Variants in GRIN2A observed in about 807,000 individuals in gnomAD.
GRIN2A encodes glutamate receptor ionotropic, NMDA 2A.
In GRIN2A, 22 loss-of-function variants were observed where a neutral mutation model predicts 113.4. That is an observed-to-expected ratio of 0.19 (90% CI 0.14 to 0.28). The LOEUF (loss-of-function observed/expected upper bound fraction) is 0.28, where lower values mean the gene tolerates loss of function less well. GRIN2A is among the 10% of genes least tolerant of loss of function. GRIN2A has a pLI of 1.00. For missense variants in GRIN2A, 1,502 were observed against 1,887.0 expected (o/e 0.80, Z 3.78); for synonymous variants, 827 against 738.4 (o/e 1.12, Z -1.94).
At chr16:9,805,006 G>A (rs1352508757) in intron 10 of GRIN2A, among the ~76,000 whole-genome samples, 1 of 152,164 alleles carries the variant, frequency 6.6e-6, no homozygotes, top group Non-Finnish European at 1.5e-5. Flanking sequence ...CAGCTCTCAA[G>A]AGCTGCTACA....
chr16:9,954,084 T>C (rs2045248473), intron 2 of GRIN2A, among the ~76,000 whole-genome samples: 1 of 152,190 alleles, frequency 6.6e-6, no homozygotes, highest in South Asian at 2.1e-4. Flanking sequence ...AAGTCAATCC[T>C]TCTGTCCTAG....
chr16:9,886,738 G>T (rs1015389128), intron 4 of GRIN2A, among the ~76,000 whole-genome samples: 1 of 152,160 alleles, frequency 6.6e-6, no homozygotes, highest in African/African-American at 2.4e-5. Context: ...CAGGGCTCCG[G>T]TGGATCAACT....
chr16:9,867,256 G>A (rs1245192250), intron 4 of GRIN2A, among the ~76,000 whole-genome samples: 1 of 151,978 alleles, frequency 6.6e-6, no homozygotes. Context: ...CAAATTTTAG[G>A]ACTCCCTCTC....
intron 2 of GRIN2A, among the ~76,000 whole-genome samples, chr16:10,121,960 T>G (rs139838612): frequency 6.6e-6 from 1 of 152,304 alleles, no homozygotes; most frequent in East Asian, 1.9e-4. Flanking sequence ...AAGCATGGTC[T>G]AATTAAAATA....
At chr16:9,829,699 C>T (rs375306587) in intron 8 of GRIN2A, 47 bp from the exon 9 acceptor site, 1 of 1,417,906 alleles carries the variant, frequency 7.1e-7, no homozygotes, top group East Asian at 2.3e-5. Context: ...GAAAAAAATG[C>T]CTGTTTGTGT....
chr16:10,044,022 T>TATATATATAGAG (rs531659457), intron 2 of GRIN2A, among the ~76,000 whole-genome samples: 152 of 107,892 alleles, frequency 1.4e-3, no homozygotes, highest in East Asian at 6.8e-3. Flanking sequence ...TATATATATA[T>TATATATATAGAG]AGAGAGAGAG....
At chr16:9,967,460 C>A (rs2141723495) in intron 2 of GRIN2A, among the ~76,000 whole-genome samples, 1 of 152,318 alleles carries the variant, frequency 6.6e-6, no homozygotes, top group East Asian at 1.9e-4. Context: ...AATCCCCGCA[C>A]TTTGGGAGGC....
chr16:9,793,881 C>T (rs766181102), intron 11 of GRIN2A, among the ~76,000 whole-genome samples: 32 of 151,864 alleles, frequency 2.1e-4, no homozygotes, highest in Non-Finnish European at 3.5e-4. Context: ...TTACTAGAAA[C>T]GTTTCGATTT....
chr16:10,161,836 A>G (rs1238241917), intron 2 of GRIN2A, among the ~76,000 whole-genome samples: 1 of 152,184 alleles, frequency 6.6e-6, no homozygotes, highest in South Asian at 2.1e-4. Context: ...TCCATCTTCA[A>G]AGTGCATCAC....
chr16:9,952,627 G>A lies in GRIN2A; in HGVS notation c.415-14076C>T, dbSNP rs542261959. On this transcript the variant is annotated intron_variant, in intron 2 of 12. Coordinates refer to ENST00000330684, the MANE Select transcript of GRIN2A (RefSeq NM_001134407.3). ...ATAACTCATATGATTTACTTACAAT[G>A]CTTATTATTAATATTTTCTGTCTGT... Among the ~76,000 whole-genome samples the A allele has an allele frequency of 2.6e-5, 4 of 152,148 alleles. No homozygotes were observed. In the East Asian group the frequency reaches 7.7e-4, roughly 29 times the overall value.
chr16:10,166,401 A>G (rs571616988), intron 2 of GRIN2A, among the ~76,000 whole-genome samples: 1 of 152,136 alleles, frequency 6.6e-6, no homozygotes, highest in South Asian at 2.1e-4. Flanking sequence ...TGTGAACTCA[A>G]TTCTGCTCCT....
intron 4 of GRIN2A, among the ~76,000 whole-genome samples, chr16:9,871,802 G>A (rs12928163): frequency 0.23 from 34,288 of 151,994 alleles, 4,026 homozygotes; most frequent in African/African-American, 0.24. Flanking sequence ...TTGGAATGAT[G>A]CAAGGAAAAC....
chr16:10,173,075 T>G (rs2050074366), intron 2 of GRIN2A, among the ~76,000 whole-genome samples: 1 of 152,166 alleles, frequency 6.6e-6, no homozygotes, highest in African/African-American at 2.4e-5. Flanking sequence ...GAGGGCTACT[T>G]GGAGTGTGAG....
intron 2 of GRIN2A, among the ~76,000 whole-genome samples, chr16:10,085,848 G>T (rs1450984231): frequency 1.3e-5 from 2 of 152,134 alleles, no homozygotes; most frequent in East Asian, 3.9e-4. Context: ...TAATTAGTTG[G>T]GGTGGTTTAG....
At chr16:10,057,354 G>A (rs1348323269) in intron 2 of GRIN2A, among the ~76,000 whole-genome samples, 1 of 152,132 alleles carries the variant, frequency 6.6e-6, no homozygotes, top group Non-Finnish European at 1.5e-5. Context: ...CCTGCCACTT[G>A]TAACTATGTT....
At chr16:9,882,900 ACAC>A (rs1417372864) in intron 4 of GRIN2A, among the ~76,000 whole-genome samples, 5 of 152,230 alleles carry the variant, frequency 3.3e-5, no homozygotes, top group South Asian at 2.1e-4. Context: ...AAGGAAGCAG[ACAC>A]CTTTCTAAGG....
intron 2 of GRIN2A, among the ~76,000 whole-genome samples, chr16:10,041,088 C>G (rs1430482065): frequency 6.6e-6 from 1 of 152,250 alleles, no homozygotes; most frequent in African/African-American, 2.4e-5. Context: ...AGATGTTAAT[C>G]AGCAGCAATT....
At chr16:9,794,845 A>G (rs576175694) in intron 11 of GRIN2A, 9 of 152,324 alleles carry the variant, frequency 5.9e-5, no homozygotes, top group Admixed American at 5.2e-4. Flanking sequence ...TAACTTGACT[A>G]CATTATTGCC....
intron 4 of GRIN2A, among the ~76,000 whole-genome samples, chr16:9,869,290 G>T (rs142156433): frequency 4.6e-5 from 7 of 152,190 alleles, no homozygotes; most frequent in African/African-American, 1.7e-4. Context: ...AAAATTAGCT[G>T]AGTGTGGTGG....
Sources: allele counts gnomAD v4.1 joint callset (sites outside exome capture counted in the v4.1 genomes callset), GRCh38; gene constraint gnomAD v4.1.1; transcripts MANE v1.5; gene names NCBI Gene and HGNC (gene_info 2026-07-23, HGNC 2026-07-21).